Variants in ANO5 observed in about 807,000 individuals in gnomAD.
ANO5 encodes the protein anoctamin 5.
A neutral mutation model predicts 121.0 loss-of-function variants in ANO5; 109 were observed. The observed-to-expected ratio is 0.90, with a 90% CI of 0.77 to 1.06. ANO5 has a LOEUF of 1.06. Among genes scored for constraint, ANO5 ranks in the 50% least tolerant of loss-of-function variants. ANO5 has a pLI of 0.00. For synonymous variants in ANO5, 406 were observed against 359.9 expected, an observed-to-expected ratio of 1.13 and a Z score of -1.45; for missense variants, 1,064 against 1,078.5, an observed-to-expected ratio of 0.99 and a Z score of 0.19.
intron 18 of ANO5, among the ~76,000 whole-genome samples, chr11:22,272,310 A>G (rs1241248732): frequency 7.5e-6 from 1 of 132,554 alleles, no homozygotes; most frequent in African/African-American, 3.9e-5. Context: ...CGGCACACAC[A>G]CACACACACA....
intron 1 of ANO5, among the ~76,000 whole-genome samples, chr11:22,195,984 C>T (rs572605255): frequency 6.6e-6 from 1 of 152,230 alleles, no homozygotes; most frequent in Non-Finnish European, 1.5e-5. Context: ...TAGTTCAGGC[C>T]ACTCATATGA....
chr11:22,255,305 AG>A (rs1211524777), intron 12 of ANO5, 65 bp from the exon 13 acceptor site: 11 of 1,318,052 alleles, frequency 8.3e-6, no homozygotes, highest in Non-Finnish European at 1.1e-5. Flanking sequence ...AAGTAATTAA[AG>A]GGAAAAGTTG....
chr11:22,237,112 C>T (rs1853249041), intron 8 of ANO5, among the ~76,000 whole-genome samples: 1 of 152,084 alleles, frequency 6.6e-6, no homozygotes, highest in African/African-American at 2.4e-5. Flanking sequence ...TTGAGATCAT[C>T]CCTTGGAATG....
rs866357544 is a variant in ANO5, at chr11:22,276,119, G to C, written c.2440G>C (p.Asp814His). Residue 814 changes from aspartate (D) to histidine (H), a missense_variant, in exon 21 of 22, where the codon GAT becomes CAT. Physicochemically the swap from Asp to His is moderately conservative, Grantham distance 81. Coordinates refer to ENST00000324559, the MANE Select transcript of ANO5 (RefSeq NM_213599.3). ...CRYRDYRYPP[D>H]DENKYFHNMQ... ...GTACAGAGATTACAGATATCCTCCT[G>C]ATGACGAGAATAAATATTTTCATAA... 6.2e-7 allele frequency: 1 copy of C among 1,609,428 alleles called. No individual in the cohort carries two copies. The highest frequency in any genetic ancestry group is 2.2e-5 in the East Asian group (1 of 44,702).
intron 18 of ANO5, among the ~76,000 whole-genome samples, chr11:22,271,247 G>A (rs1243345247): frequency 1.3e-5 from 2 of 152,082 alleles, no homozygotes; most frequent in Non-Finnish European, 2.9e-5. Context: ...GTAGAGTCGG[G>A]GTTTCACCAT....
At position 22,273,007 on chromosome 11, in the gene ANO5, G is replaced by T. The variant is rs776959563; in HGVS notation, c.2235+18G>T. 5 of 1,608,324 alleles carry T rather than the reference G, an allele frequency of 3.1e-6. No homozygotes were observed. In the African/African-American group the frequency reaches 4.0e-5, roughly 13 times the overall value. On this transcript the variant is annotated intron_variant, in intron 19 of 21. Coordinates refer to ENST00000324559, the MANE Select transcript of ANO5 (RefSeq NM_213599.3). ...CAACTAATGTAAGTGGACCTATTTC[G>T]GTGGGGTGACTTTGTATTTCATTTT...
In ANO5 at chr11:22,279,576, C is replaced by T. The variant is rs1449719362; in HGVS notation, c.2553C>T (p.Ala851=). The part of the protein sequence containing the change: ...HVVFLVKFLL[A]WMIPDVPKDV... Reference sequence around the variant, plus strand: ...TGTTTTTAGTTAAATTTTTGCTGGCCTGGATGATACCTGATGTTCCAAAAG... The same window carrying T: ...TGTTTTTAGTTAAATTTTTGCTGGCTTGGATGATACCTGATGTTCCAAAAG... Residue 851 remains alanine (A), a synonymous_variant, in exon 22 of 22, where the codon GCC becomes GCT. Coordinates refer to ENST00000324559, the MANE Select transcript of ANO5 (RefSeq NM_213599.3). The T allele has an allele frequency of 6.2e-7, 1 of 1,612,524 alleles. No homozygotes were observed. Among genetic ancestry groups the T allele is most frequent in the African/African-American group, 1.3e-5 (1 of 74,822 alleles).
chr11:22,279,436 C>A, intron 21 of ANO5, 108 bp from the exon 22 acceptor site: 1 of 917,318 alleles, frequency 1.1e-6, no homozygotes, highest in Non-Finnish European at 1.7e-6. Context: ...GCCTTTCTAC[C>A]TCATATGTTG....
chr11:22,209,460 G>T (rs1483032126), intron 2 of ANO5, among the ~76,000 whole-genome samples: 1 of 151,756 alleles, frequency 6.6e-6, no homozygotes, highest in African/African-American at 2.4e-5. Flanking sequence ...ATTTAATGGG[G>T]TTTATATAAT....
intron 2 of ANO5, among the ~76,000 whole-genome samples, chr11:22,210,639 G>C (rs765893350): frequency 2.6e-5 from 4 of 151,876 alleles, no homozygotes; most frequent in African/African-American, 9.7e-5. Context: ...GTGGACCATC[G>C]TGTAACCTAA....
intron 6 of ANO5, among the ~76,000 whole-genome samples, chr11:22,226,472 T>C (rs764982699): frequency 2.3e-4 from 35 of 152,182 alleles, no homozygotes; most frequent in Middle Eastern, 3.2e-3. Flanking sequence ...ACTGTTTTTC[T>C]AGAATTTCCT....
chr11:22,245,728 C>T (rs1853593480), intron 9 of ANO5, among the ~76,000 whole-genome samples: 1 of 152,146 alleles, frequency 6.6e-6, no homozygotes, highest in Non-Finnish European at 1.5e-5. Flanking sequence ...GAGTGCCCCT[C>T]TCTGTTAGTC....
At chr11:22,237,273 A>AT (rs202117111) in intron 8 of ANO5, among the ~76,000 whole-genome samples, 1,739 of 152,226 alleles carry the variant, frequency 0.011, 32 homozygotes, top group African/African-American at 0.039. Flanking sequence ...ATAATTCCCC[A>AT]TTTTTTTGAA....
At chr11:22,238,438 T>A (rs539027436) in intron 8 of ANO5, among the ~76,000 whole-genome samples, 1 of 152,264 alleles carries the variant, frequency 6.6e-6, no homozygotes, top group African/African-American at 2.4e-5. Flanking sequence ...TATAGGCTCA[T>A]TGGAAATTCG....
chr11:22,281,291 G>A lies in ANO5; in HGVS notation c.*1526G>A, dbSNP rs185422620. On this transcript the variant is annotated 3_prime_UTR_variant, in exon 22 of 22. Transcript: ENST00000324559. ...CTAATAAATTATTGTGGTACTGCCA[G>A]TATTAAATATATGGCAGATGGTATT... 6 of 152,106 alleles carry A rather than the reference G, an allele frequency of 3.9e-5. No individual in the cohort carries two copies. Among genetic ancestry groups the A allele is most frequent in the Admixed American group, 2.0e-4 (3 of 15,286 alleles). The allele number at this position is 152,106 out of a possible 1,614,324, so 9.4% of individuals were successfully genotyped here.
chr11:22,263,052 G>C lies in ANO5; in HGVS notation c.1898+9G>C, dbSNP rs1854246709. 6.3e-7 allele frequency: 1 copy of C among 1,590,724 alleles called. No individual in the cohort carries two copies. The highest frequency in any genetic ancestry group is 1.7e-5 in the Admixed American group (1 of 59,956). On this transcript the variant is annotated intron_variant, in intron 17 of 21. Transcript: ENST00000324559. Reference sequence around the variant, plus strand: ...AAAGAAGCCATTTATCCGTATGTATGACTTACAAGCTTTTTATTTGATTTA... The same window carrying C: ...AAAGAAGCCATTTATCCGTATGTATCACTTACAAGCTTTTTATTTGATTTA...
At chr11:22,230,675 G>A (rs1404226277) in intron 7 of ANO5, among the ~76,000 whole-genome samples, 2 of 151,860 alleles carry the variant, frequency 1.3e-5, no homozygotes, top group African/African-American at 4.8e-5. Flanking sequence ...ATGTCCTCCT[G>A]ACTATCAGTA....
chr11:22,223,213 A>G lies in ANO5; in HGVS notation c.294+2003A>G, dbSNP rs541268530. ...TTCATTAGAAGGAATCACAGGACTC[A>G]GTATATAGTCATGCTTATGGAGACG... On this transcript the variant is annotated intron_variant, in intron 5 of 21. Coordinates refer to ENST00000324559, the MANE Select transcript of ANO5 (RefSeq NM_213599.3). Among the ~76,000 whole-genome samples the G allele has an allele frequency of 2.6e-5, 4 of 152,132 alleles. No individual in the cohort carries two copies. In the East Asian group the frequency reaches 7.8e-4, roughly 30 times the overall value.
chr11:22,246,321 T>A lies in ANO5; in HGVS notation c.879-3916T>A, dbSNP rs77483708. ...CTGTGTTTCTTTATGTTTTCCACCCTACTTTACATTTTTCCCCTATAATTT... is the reference window on the plus strand; with the variant it reads ...CTGTGTTTCTTTATGTTTTCCACCCAACTTTACATTTTTCCCCTATAATTT... On this transcript the variant is annotated intron_variant, in intron 9 of 21. Coordinates refer to ENST00000324559, the MANE Select transcript of ANO5 (RefSeq NM_213599.3). 4.6e-5 allele frequency among the ~76,000 whole-genome samples: 7 copies of A among 152,154 alleles called. No homozygotes were observed. The East Asian group carries it at 1.4e-3, about 29-fold the overall frequency.
Sources: allele counts gnomAD v4.1 joint callset (sites outside exome capture counted in the v4.1 genomes callset), GRCh38; gene constraint gnomAD v4.1.1; transcripts MANE v1.5; gene names NCBI Gene and HGNC (gene_info 2026-07-23, HGNC 2026-07-21).